NKAIN2: variants seen among roughly 807,000 people sequenced by gnomAD.
The protein encoded by NKAIN2 is sodium/potassium transporting ATPase interacting 2, also known as sodium/potassium-transporting ATPase subunit beta-1-interacting protein 2.
A neutral mutation model predicts 32.6 loss-of-function variants in NKAIN2; 14 were observed. The observed-to-expected ratio is 0.43, with a 90% CI of 0.28 to 0.67. The LOEUF (loss-of-function observed/expected upper bound fraction) is 0.67. Among genes scored for constraint, NKAIN2 ranks in the 30% least tolerant of loss-of-function variants. The pLI is 0.17. For synonymous variants in NKAIN2, 80 were observed against 87.2 expected (o/e 0.92, Z 0.46); for missense variants, 198 against 258.3 (o/e 0.77, Z 1.60).
intron 4 of NKAIN2, among the ~76,000 whole-genome samples, chr6:124,716,691 C>A (rs375079871): frequency 1.3e-5 from 2 of 152,106 alleles, no homozygotes; most frequent in Middle Eastern, 3.2e-3. Context: ...CTGCCCTTCC[C>A]GCTGACTAGA....
chr6:124,680,104 T>C (rs1230025891), intron 4 of NKAIN2, among the ~76,000 whole-genome samples: 2 of 152,226 alleles, frequency 1.3e-5, no homozygotes, highest in Non-Finnish European at 2.9e-5. Flanking sequence ...TTGTTTCTAC[T>C]ATACTGAAAA....
chr6:124,794,868 G>A (rs1305818005), intron 5 of NKAIN2: 18 of 967,346 alleles, frequency 1.9e-5, no homozygotes, highest in African/African-American at 8.8e-5. Flanking sequence ...TATGACTTCC[G>A]ATCCATAGAG....
Position 123,829,363 on chromosome 6 carries a change from A to G in NKAIN2, c.54+25109A>G, listed in dbSNP as rs575792826. ...TGTGGGTGTCTCAAAGGCTTATCAA[A>G]CTCTGTGTGTTTGTTAGGATATTCC... On this transcript the variant is annotated intron_variant, in intron 1 of 6. Transcript: ENST00000368417. 7 of 152,156 alleles carry G rather than the reference A, an allele frequency of 4.6e-5. No individual in the cohort carries two copies. The East Asian group carries it at 1.2e-3, about 25-fold the overall frequency. 9.4% of individuals were successfully genotyped at this position (152,156 alleles called of 1,614,324 possible). A position where few individuals can be genotyped will look rare whatever the true frequency, so the allele number is the denominator to read the frequency against.
At chr6:124,601,681 T>C (rs1782313281) in intron 3 of NKAIN2, among the ~76,000 whole-genome samples, 1 of 152,000 alleles carries the variant, frequency 6.6e-6, no homozygotes, top group African/African-American at 2.4e-5. Context: ...AAGAGACTAG[T>C]AAGAAGTCTG....
intron 3 of NKAIN2, among the ~76,000 whole-genome samples, chr6:124,382,050 AT>A (rs1278739638): frequency 1.3e-5 from 2 of 152,060 alleles, no homozygotes; most frequent in African/African-American, 4.8e-5. Context: ...GGGAGTTTAG[AT>A]GGTTTTTAGG....
chr6:123,835,978 A>G (rs909293749), intron 1 of NKAIN2, among the ~76,000 whole-genome samples: 4 of 152,228 alleles, frequency 2.6e-5, no homozygotes, highest in African/African-American at 9.6e-5. Flanking sequence ...CTACAATATT[A>G]TTGGAAAGTC....
intron 3 of NKAIN2, among the ~76,000 whole-genome samples, chr6:124,494,385 A>C (rs1376429489): frequency 6.6e-6 from 1 of 152,108 alleles, no homozygotes; most frequent in Non-Finnish European, 1.5e-5. Flanking sequence ...AGCCCTTTAA[A>C]GATAAGCGGC....
chr6:123,860,166 C>T (rs1167793079), intron 1 of NKAIN2, among the ~76,000 whole-genome samples: 1 of 152,130 alleles, frequency 6.6e-6, no homozygotes, highest in Non-Finnish European at 1.5e-5. Context: ...GAGATGGTGT[C>T]TGGCCCCAAG....
At chr6:123,953,386 C>T (rs1034628658) in intron 1 of NKAIN2, among the ~76,000 whole-genome samples, 2 of 152,108 alleles carry the variant, frequency 1.3e-5, no homozygotes, top group African/African-American at 4.8e-5. Context: ...TTCAGTAGTT[C>T]AGCCGTGGGC....
At chr6:124,810,988 A>AGTC (rs887954652) in intron 5 of NKAIN2, among the ~76,000 whole-genome samples, 1 of 151,716 alleles carries the variant, frequency 6.6e-6, no homozygotes, top group Non-Finnish European at 1.5e-5. Context: ...AAGTTCACAC[A>AGTC]GTCAGCTTGA....
intron 3 of NKAIN2, among the ~76,000 whole-genome samples, chr6:124,458,452 T>C (rs1002527954): frequency 6.6e-6 from 1 of 151,798 alleles, no homozygotes; most frequent in Non-Finnish European, 1.5e-5. Flanking sequence ...AGGCTACAGC[T>C]CTCTCTCTGC....
intron 1 of NKAIN2, among the ~76,000 whole-genome samples, chr6:123,900,619 C>T (rs1237308113): frequency 8.6e-6 from 1 of 116,770 alleles, no homozygotes. Flanking sequence ...TTCCTACAAT[C>T]TGGTTAACCC....
At chr6:124,386,531 C>G (rs548988163) in intron 3 of NKAIN2, among the ~76,000 whole-genome samples, 11 of 152,122 alleles carry the variant, frequency 7.2e-5, no homozygotes, top group Non-Finnish European at 1.5e-4. Flanking sequence ...CTTCATTCCA[C>G]TTGTTTATAA....
At chr6:124,409,370 C>T (rs1445353022) in intron 3 of NKAIN2, among the ~76,000 whole-genome samples, 1 of 150,504 alleles carries the variant, frequency 6.6e-6, no homozygotes, top group Non-Finnish European at 1.5e-5. Context: ...TACGTCCCAT[C>T]AATAACTAAT....
At chr6:124,585,777 A>T (rs1781691859) in intron 3 of NKAIN2, among the ~76,000 whole-genome samples, 1 of 152,162 alleles carries the variant, frequency 6.6e-6, no homozygotes, top group Non-Finnish European at 1.5e-5. Flanking sequence ...TGTATTACTA[A>T]AGTATAATTT....
chr6:124,336,680 T>G (rs1256228553), intron 2 of NKAIN2, among the ~76,000 whole-genome samples: 1 of 130,616 alleles, frequency 7.7e-6, no homozygotes, highest in East Asian at 2.3e-4. Context: ...TTTTTTTTGT[T>G]TGTTTTTTTT....
chr6:123,925,070 A>AT lies in NKAIN2; in HGVS notation c.54+120824dup, dbSNP rs1420449680. 4.6e-5 allele frequency among the ~76,000 whole-genome samples: 7 copies of AT among 152,004 alleles called. No homozygotes were observed. The East Asian group carries it at 9.7e-4, about 21-fold the overall frequency. Reference sequence around the variant, plus strand: ...TCAGCTACTTTTCATCCAGAATGGAATTTTTTTTGTTGCTTGAATTACTTG... The same window carrying AT: ...TCAGCTACTTTTCATCCAGAATGGAATTTTTTTTTGTTGCTTGAATTACTTG... On this transcript the variant is annotated intron_variant, in intron 1 of 6. Coordinates refer to ENST00000368417, the MANE Select transcript of NKAIN2 (RefSeq NM_001040214.3).
chr6:124,127,068 G>C (rs72976447), intron 1 of NKAIN2, among the ~76,000 whole-genome samples: 1 of 152,096 alleles, frequency 6.6e-6, no homozygotes, highest in Admixed American at 6.5e-5. Context: ...TATATATATA[G>C]AGAGAGAGAG....
At chr6:124,011,573 A>T (rs1242491324) in intron 1 of NKAIN2, among the ~76,000 whole-genome samples, 1 of 152,164 alleles carries the variant, frequency 6.6e-6, no homozygotes, top group Non-Finnish European at 1.5e-5. Flanking sequence ...ATCATCATAT[A>T]TTGAGCCTCC....
Sources: gnomAD v4.1 joint callset for allele counts (sites outside exome capture counted in the v4.1 genomes callset) on GRCh38, gnomAD v4.1.1 for gene constraint, MANE v1.5 for transcripts, NCBI Gene and HGNC (gene_info 2026-07-23, HGNC 2026-07-21) for gene names.